The following TTC28 variants were observed in gnomAD, a reference collection of about 807,000 sequenced individuals.
The protein encoded by TTC28 is tetratricopeptide repeat protein 28.
In TTC28, 61 loss-of-function variants were observed where a neutral mutation model predicts 198.0. That is an observed-to-expected ratio of 0.31 (90% CI 0.25 to 0.38). The LOEUF (loss-of-function observed/expected upper bound fraction) is 0.38. Ranked by LOEUF, TTC28 falls within the 10% of genes least tolerant of loss-of-function variation. TTC28 has a pLI of 1.00. For missense variants in TTC28, 2,678 were observed against 3,164.0 expected, an observed-to-expected ratio of 0.85 and a Z score of 3.69; for synonymous variants, 1,171 against 1,297.8, an observed-to-expected ratio of 0.90 and a Z score of 2.10.
At chr22:28,120,247 C>G (rs1942748884) in intron 6 of TTC28, among the ~76,000 whole-genome samples, 1 of 152,138 alleles carries the variant, frequency 6.6e-6, no homozygotes, top group African/African-American at 2.4e-5. Context: ...TAACTGCTTT[C>G]TGAATATGTC....
chr22:28,554,165 C>CT (rs1187741575), intron 2 of TTC28, among the ~76,000 whole-genome samples: 10 of 152,068 alleles, frequency 6.6e-5, no homozygotes, highest in Non-Finnish European at 1.3e-4. Context: ...TAAACAGATG[C>CT]TTGAAGGCAG....
chr22:28,115,285 C>G (rs993048142), intron 6 of TTC28, among the ~76,000 whole-genome samples: 1 of 152,160 alleles, frequency 6.6e-6, no homozygotes, highest in African/African-American at 2.4e-5. Flanking sequence ...CTCAGCCTCC[C>G]AAGTAGCTGG....
At chr22:28,203,244 G>C (rs1219148350) in intron 5 of TTC28, among the ~76,000 whole-genome samples, 1 of 152,000 alleles carries the variant, frequency 6.6e-6, no homozygotes, top group Non-Finnish European at 1.5e-5. Context: ...TCTGGAGCTT[G>C]TTTCTTGATT....
At chr22:28,624,091 T>C (rs1241353573) in intron 2 of TTC28, among the ~76,000 whole-genome samples, 1 of 152,160 alleles carries the variant, frequency 6.6e-6, no homozygotes. Flanking sequence ...TCAATGAGAC[T>C]AATAACTCAT....
chr22:28,376,541 TA>T (rs1028991018), intron 2 of TTC28, among the ~76,000 whole-genome samples: 1 of 151,732 alleles, frequency 6.6e-6, no homozygotes, highest in Non-Finnish European at 1.5e-5. Flanking sequence ...GAAAAATATA[TA>T]AAAAAATAAA....
intron 2 of TTC28, among the ~76,000 whole-genome samples, chr22:28,562,968 C>G (rs926094068): frequency 5.9e-5 from 9 of 151,942 alleles, no homozygotes; most frequent in Non-Finnish European, 1.3e-4. Flanking sequence ...ACAAAAAATA[C>G]AAATATTTGC....
At chr22:28,495,892 CCAAA>C (rs1331357994) in intron 2 of TTC28, among the ~76,000 whole-genome samples, 1 of 152,064 alleles carries the variant, frequency 6.6e-6, no homozygotes, top group African/African-American at 2.4e-5. Context: ...TAAACGCACA[CCAAA>C]CAGACTTTCA....
intron 2 of TTC28, among the ~76,000 whole-genome samples, chr22:28,590,068 A>G (rs564460417): frequency 6.7e-6 from 1 of 148,200 alleles, no homozygotes; most frequent in South Asian, 2.1e-4. Flanking sequence ...AAAAACACAG[A>G]AAACCTGAAA....
chr22:28,600,215 C>T (rs937979216), intron 2 of TTC28, among the ~76,000 whole-genome samples: 6 of 151,530 alleles, frequency 4.0e-5, no homozygotes, highest in South Asian at 2.1e-4. Flanking sequence ...GGCAACAGAG[C>T]GAGACCCTAT....
chr22:28,458,869 AGACT>A (rs1408881475), intron 2 of TTC28, among the ~76,000 whole-genome samples: 1 of 150,872 alleles, frequency 6.6e-6, no homozygotes, highest in African/African-American at 2.4e-5. Flanking sequence ...TGACAGAGCG[AGACT>A]CCATCTCAAA....
At chr22:28,066,923 G>C (rs916924955) in intron 12 of TTC28, among the ~76,000 whole-genome samples, 1 of 152,102 alleles carries the variant, frequency 6.6e-6, no homozygotes, top group Admixed American at 6.5e-5. Context: ...TCCTTCACCT[G>C]TGTTTGGCAG....
intron 8 of TTC28, 27 bp from the exon 9 acceptor site, chr22:28,101,307 A>C (rs1261892058): frequency 7.3e-6 from 11 of 1,515,978 alleles, no homozygotes; most frequent in Non-Finnish European, 9.9e-6. Context: ...AAATTTAAGG[A>C]AACATAGAAG....
chr22:28,590,244 C>T (rs1288152935), intron 2 of TTC28, among the ~76,000 whole-genome samples: 5 of 151,246 alleles, frequency 3.3e-5, no homozygotes, highest in African/African-American at 7.3e-5. Context: ...TCTCCTGCCT[C>T]AGCCTCCTGA....
At chr22:28,249,765 A>C (rs1375345053) in intron 5 of TTC28, among the ~76,000 whole-genome samples, 4 of 152,240 alleles carry the variant, frequency 2.6e-5, no homozygotes, top group African/African-American at 9.6e-5. Context: ...ATTGTCCAGC[A>C]AAATGAGAGG....
intron 14 of TTC28, among the ~76,000 whole-genome samples, chr22:28,010,025 A>G (rs1468097053): frequency 6.6e-6 from 1 of 152,194 alleles, no homozygotes. Context: ...CTGACTCACA[A>G]AAGATTGTAT....
chr22:28,381,550 T>C (rs915140852), intron 2 of TTC28, among the ~76,000 whole-genome samples: 2 of 152,168 alleles, frequency 1.3e-5, no homozygotes, highest in Non-Finnish European at 2.9e-5. Flanking sequence ...TGTGGTATCC[T>C]ACAAATGTTA....
intron 5 of TTC28, among the ~76,000 whole-genome samples, chr22:28,217,627 C>CATAG (rs1927509543): frequency 6.6e-6 from 1 of 152,120 alleles, no homozygotes; most frequent in Non-Finnish European, 1.5e-5. Context: ...TTAGTTTCAG[C>CATAG]ATAGGCATGT....
At chr22:28,037,772 T>C (rs932499944) in intron 12 of TTC28, among the ~76,000 whole-genome samples, 18 of 152,284 alleles carry the variant, frequency 1.2e-4, no homozygotes, top group African/African-American at 2.4e-4. Context: ...GAAAACCCCA[T>C]CGTCTCAGCC....
chr22:28,353,569 C>A (rs1339231552), intron 2 of TTC28, among the ~76,000 whole-genome samples: 1 of 152,154 alleles, frequency 6.6e-6, no homozygotes, highest in Non-Finnish European at 1.5e-5. Flanking sequence ...GCTAAATTTT[C>A]AACAAGCGTA....
Sources: gnomAD v4.1 joint callset for allele counts (sites outside exome capture counted in the v4.1 genomes callset) on GRCh38, gnomAD v4.1.1 for gene constraint, MANE v1.5 for transcripts, NCBI Gene and HGNC (gene_info 2026-07-23, HGNC 2026-07-21) for gene names.